ARHGAP8: variants seen among roughly 807,000 people sequenced by gnomAD.
ARHGAP8 encodes the protein rho GTPase-activating protein 8.
Under a neutral mutation model 46.1 loss-of-function variants are expected in ARHGAP8, and 62 were observed. That is an observed-to-expected ratio of 1.34 (90% CI 1.10 to 1.66). The LOEUF (loss-of-function observed/expected upper bound fraction) is 1.66. Among genes scored for constraint, ARHGAP8 ranks in the 40% most tolerant of loss-of-function variants. ARHGAP8 has a pLI of 0.00. For missense variants in ARHGAP8, 923 were observed against 568.4 expected (o/e 1.62, Z -6.34); for synonymous variants, 375 against 243.1 (o/e 1.54, Z -5.05).
chr22:44,816,166 G>A (rs1602217788), intron 5 of ARHGAP8, among the ~76,000 whole-genome samples: 1 of 15,888 alleles, frequency 6.3e-5, no homozygotes, highest in African/African-American at 2.3e-4. Flanking sequence ...AAGCCCACTC[G>A]TGGCTCTGAG....
chr22:44,753,380 C>T (rs2146974216), intron 1 of ARHGAP8, among the ~76,000 whole-genome samples: 1 of 152,162 alleles, frequency 6.6e-6, no homozygotes, highest in Admixed American at 6.5e-5. Context: ...GACACCATGC[C>T]AGCTAATTTT....
intron 7 of ARHGAP8, among the ~76,000 whole-genome samples, chr22:44,833,101 T>TTTTC (rs1569169226): frequency 8.3e-4 from 47 of 56,628 alleles, no homozygotes; most frequent in African/African-American, 3.0e-3. Context: ...CTTTTCTTTT[T>TTTTC]TTTTTTTTTT....
chr22:44,778,299 T>G (rs973049407), intron 1 of ARHGAP8, among the ~76,000 whole-genome samples: 1 of 152,182 alleles, frequency 6.6e-6, no homozygotes, highest in Admixed American at 6.5e-5. Flanking sequence ...ATTTCTGAGT[T>G]ACTTCACTTA....
intron 10 of ARHGAP8, chr22:44,849,967 A>G (rs1467850040): frequency 6.6e-6 from 1 of 152,070 alleles, no homozygotes; most frequent in Non-Finnish European, 1.5e-5. Flanking sequence ...GTTTATGGTA[A>G]CTCATGGTTA....
At chr22:44,862,088 T>C (rs1199637337) in intron 11 of ARHGAP8, among the ~76,000 whole-genome samples, 187 bp from the exon 12 acceptor site, 4 of 152,086 alleles carry the variant, frequency 2.6e-5, no homozygotes, top group Non-Finnish European at 5.9e-5. Context: ...AGCCTTCCTT[T>C]TAGAGATAGG....
rs1340905104 is a variant in ARHGAP8, at chr22:44,821,219, CAGG to C, written c.387-1149_387-1147del. ...GGCCAAGGCGGGCGGATCACGAGGT[CAGG>C]AGATCGAGACCATCCTGGCTAACAT... On this transcript the variant is annotated intron_variant, in intron 5 of 11. Coordinates refer to ENST00000356099, the MANE Select transcript of ARHGAP8 (RefSeq NM_181335.3). Among the ~76,000 whole-genome samples, 4 of 152,076 alleles carry C rather than the reference CAGG, an allele frequency of 2.6e-5. No homozygotes were observed. The South Asian group carries it at 6.2e-4, about 24-fold the overall frequency.
chr22:44,811,405 G>A (rs1929325570), intron 4 of ARHGAP8, among the ~76,000 whole-genome samples: 2 of 152,226 alleles, frequency 1.3e-5, no homozygotes, highest in African/African-American at 4.8e-5. Flanking sequence ...AGCCACGCAG[G>A]TGGAGAGACT....
chr22:44,832,824 G>T (rs1306014365), intron 7 of ARHGAP8, among the ~76,000 whole-genome samples: 2 of 152,116 alleles, frequency 1.3e-5, no homozygotes, highest in African/African-American at 4.8e-5. Flanking sequence ...TCTTACTCCT[G>T]ATCTTAAGAA....
intron 7 of ARHGAP8, among the ~76,000 whole-genome samples, chr22:44,829,402 C>T (rs922358003): frequency 1.3e-5 from 2 of 152,324 alleles, no homozygotes; most frequent in African/African-American, 4.8e-5. Context: ...GTAGGCCTCT[C>T]GGCTCCTAGA....
intron 2 of ARHGAP8, among the ~76,000 whole-genome samples, chr22:44,795,040 C>CAAAAAAA (rs36122461): frequency 8.9e-6 from 1 of 111,814 alleles, no homozygotes; most frequent in African/African-American, 3.3e-5. Flanking sequence ...AACTCTGTCT[C>CAAAAAAA]AAAAAAAAAA....
At chr22:44,763,294 C>G (rs1196763063) in intron 1 of ARHGAP8, among the ~76,000 whole-genome samples, 1 of 151,604 alleles carries the variant, frequency 6.6e-6, no homozygotes, top group African/African-American at 2.4e-5. Flanking sequence ...GCCAGGAGTT[C>G]GAGACCAACC....
At chr22:44,838,526 G>A (rs925004819) in intron 7 of ARHGAP8, among the ~76,000 whole-genome samples, 3 of 151,572 alleles carry the variant, frequency 2.0e-5, no homozygotes, top group South Asian at 2.1e-4. Context: ...CACCCACCCC[G>A]GCCTCCCAAA....
intron 4 of ARHGAP8, chr22:44,808,994 T>C (rs1268598113): frequency 4.8e-6 from 2 of 419,806 alleles, no homozygotes; most frequent in Admixed American, 5.4e-5. Context: ...ATTTTTGTAT[T>C]TTTTTTTGTA....
intron 10 of ARHGAP8, among the ~76,000 whole-genome samples, chr22:44,856,944 C>CT (rs541676137): frequency 0.072 from 9,579 of 133,414 alleles, 1,851 homozygotes; most frequent in African/African-American, 0.2. Context: ...AGTAAGAATT[C>CT]TTTTTTTTTT....
intron 10 of ARHGAP8, among the ~76,000 whole-genome samples, chr22:44,853,030 C>T (rs184794601): frequency 1.8e-4 from 27 of 152,312 alleles, no homozygotes; most frequent in African/African-American, 6.0e-4. Context: ...TCTCAATCTC[C>T]TGACCTTGTG....
At chr22:44,780,768 T>C (rs1389089985) in intron 1 of ARHGAP8, among the ~76,000 whole-genome samples, 1 of 152,240 alleles carries the variant, frequency 6.6e-6, no homozygotes, top group East Asian at 1.9e-4. Flanking sequence ...ATGTTTTATC[T>C]TTGTAGACTT....
chr22:44,799,516 A>G (rs897009011), intron 2 of ARHGAP8, among the ~76,000 whole-genome samples: 12 of 151,974 alleles, frequency 7.9e-5, no homozygotes, highest in African/African-American at 2.9e-4. Flanking sequence ...AACTGAAGGA[A>G]GGCTGCTGGG....
At chr22:44,768,309 G>C (rs1022460953) in intron 1 of ARHGAP8, among the ~76,000 whole-genome samples, 1 of 149,202 alleles carries the variant, frequency 6.7e-6, no homozygotes, top group African/African-American at 2.5e-5. Context: ...TTCTTTTTTT[G>C]TTGTTTTTGA....
intron 7 of ARHGAP8, among the ~76,000 whole-genome samples, chr22:44,827,402 G>A (rs1930616139): frequency 7.0e-6 from 1 of 143,672 alleles, no homozygotes; most frequent in Admixed American, 7.2e-5. Flanking sequence ...GAGTGCGGTG[G>A]TGTGAGCTCA....
Sources: gnomAD v4.1 joint callset for allele counts (sites outside exome capture counted in the v4.1 genomes callset) on GRCh38, gnomAD v4.1.1 for gene constraint, MANE v1.5 for transcripts, NCBI Gene and HGNC (gene_info 2026-07-23, HGNC 2026-07-21) for gene names.